ERC2: variants seen among roughly 807,000 people sequenced by gnomAD.
ERC2 encodes the protein ELKS/RAB6-interacting/CAST family member 2.
In ERC2, 42 loss-of-function variants were observed where a neutral mutation model predicts 114.8. The ratio of observed to expected loss-of-function variants is 0.37; its 90% CI spans 0.29 to 0.47. The LOEUF (loss-of-function observed/expected upper bound fraction) is 0.47. Ranked by LOEUF, ERC2 falls within the 20% of genes least tolerant of loss-of-function variation. The pLI, the probability that ERC2 is intolerant of heterozygous loss-of-function variation, is 0.99. For missense variants in ERC2, 939 were observed against 1,150.7 expected (o/e 0.82, Z 2.66); for synonymous variants, 454 against 425.5 (o/e 1.07, Z -0.82).
Position 55,650,400 on chromosome 3 carries a change from G to A in ERC2, c.*39+33394C>T, listed in dbSNP as rs547021839. Among the ~76,000 whole-genome samples, 21 of 152,266 alleles carry A rather than the reference G, an allele frequency of 1.4e-4. 1 individual carries two copies. Among genetic ancestry groups the A allele is most frequent in the Admixed American group, 1.2e-3 (18 of 15,296 alleles). ...CACTTGATGATCACCACCCTGGCCT[G>A]CTTCATGCTGGCTCCTTCTCATCCG... is the stretch of plus-strand genomic sequence containing the variant. On this transcript the variant is annotated intron_variant, in intron 17 of 17. Coordinates refer to ENST00000288221, the MANE Select transcript of ERC2 (RefSeq NM_015576.3).
At chr3:56,069,294 T>A (rs887259956) in intron 7 of ERC2, among the ~76,000 whole-genome samples, 1 of 152,228 alleles carries the variant, frequency 6.6e-6, no homozygotes, top group Non-Finnish European at 1.5e-5. Flanking sequence ...TACTGTTTAC[T>A]TGCCTCTGAA....
At chr3:56,002,226 G>C (rs761149564) in intron 10 of ERC2, among the ~76,000 whole-genome samples, 79 of 152,144 alleles carry the variant, frequency 5.2e-4, no homozygotes, top group Non-Finnish European at 9.6e-4. Flanking sequence ...ATAAAAAGTT[G>C]TGGGTGCAAT....
chr3:55,811,682 G>C (rs973252620), intron 14 of ERC2, among the ~76,000 whole-genome samples: 1 of 152,042 alleles, frequency 6.6e-6, no homozygotes, highest in Non-Finnish European at 1.5e-5. Flanking sequence ...TTATCTTCCA[G>C]AAATCAGCTT....
intron 3 of ERC2, among the ~76,000 whole-genome samples, chr3:56,273,260 TTC>T (rs57483976): frequency 0.33 from 41,128 of 124,790 alleles, 5,788 homozygotes; most frequent in Middle Eastern, 0.43. Flanking sequence ...TTTTTTTTCT[TTC>T]TTTTTTTTTT....
chr3:56,445,701 C>T (rs896146168), intron 1 of ERC2, among the ~76,000 whole-genome samples: 2 of 152,190 alleles, frequency 1.3e-5, no homozygotes, highest in African/African-American at 4.8e-5. Context: ...CCTTCAAAGA[C>T]TCTGACAGGG....
intron 6 of ERC2, among the ~76,000 whole-genome samples, chr3:56,091,742 A>G (rs927240971): frequency 4.6e-5 from 7 of 152,196 alleles, no homozygotes; most frequent in African/African-American, 1.4e-4. Flanking sequence ...GTCTTTTGCT[A>G]TAAGGTCTCT....
chr3:56,435,321 A>G (rs757868754), intron 1 of ERC2, among the ~76,000 whole-genome samples, 174 bp from the exon 2 acceptor site: 48 of 152,244 alleles, frequency 3.2e-4, no homozygotes, highest in Non-Finnish European at 5.9e-4. Context: ...AAGCAACTCT[A>G]GAACTTTACT....
intron 16 of ERC2, among the ~76,000 whole-genome samples, chr3:55,697,247 G>C (rs1173984648): frequency 1.3e-5 from 2 of 152,162 alleles, no homozygotes; most frequent in Non-Finnish European, 2.9e-5. Context: ...CACTTCCCGG[G>C]CTCCAGATTT....
At position 55,957,567 on chromosome 3, in the gene ERC2, G is replaced by T. The variant is rs145007808; in HGVS notation, c.2268-7007C>A. The stretch of plus-strand genomic sequence containing the variant: ...TTGCTTGAGGCCACAAGCAAAGTGG[G>T]TTCGTTCAACCCACTTGACCCAGCA... On this transcript the variant is annotated intron_variant, in intron 12 of 17. Coordinates refer to ENST00000288221, the MANE Select transcript of ERC2 (RefSeq NM_015576.3). 1.4e-3 allele frequency among the ~76,000 whole-genome samples: 220 copies of T among 152,322 alleles called. 1 individual carries two copies. The highest frequency in any genetic ancestry group is 5.0e-3 in the African/African-American group (208 of 41,558).
intron 3 of ERC2, among the ~76,000 whole-genome samples, chr3:56,236,562 C>T (rs1048129700): frequency 7.2e-5 from 11 of 152,190 alleles, no homozygotes; most frequent in Non-Finnish European, 1.5e-4. Context: ...AAACGGTGTG[C>T]TTTGAGAGTT....
At chr3:56,143,999 T>C (rs551929566) in intron 5 of ERC2, among the ~76,000 whole-genome samples, 1 of 152,290 alleles carries the variant, frequency 6.6e-6, no homozygotes, top group East Asian at 1.9e-4. Context: ...AGTCAGACTA[T>C]GTCAGGGAAC....
intron 3 of ERC2, among the ~76,000 whole-genome samples, chr3:56,194,611 T>C (rs976702581): frequency 1.1e-4 from 16 of 152,202 alleles, no homozygotes; most frequent in African/African-American, 3.9e-4. Context: ...TATTGTACAC[T>C]ACTGTAGGCT....
intron 17 of ERC2, among the ~76,000 whole-genome samples, chr3:55,514,255 G>A (rs1405484423): frequency 9.9e-5 from 15 of 152,038 alleles, no homozygotes; most frequent in Non-Finnish European, 1.0e-4. Flanking sequence ...AAAATTAGCT[G>A]GGTGTGGTGG....
intron 17 of ERC2, among the ~76,000 whole-genome samples, chr3:55,523,100 G>T (rs1241064889): frequency 6.6e-6 from 1 of 152,232 alleles, no homozygotes; most frequent in African/African-American, 2.4e-5. Flanking sequence ...ACCTGGGCCA[G>T]AGACCAAGGG....
chr3:55,909,145 A>AGCCCCTTCCATCTCG, intron 13 of ERC2, among the ~76,000 whole-genome samples: 1 of 152,330 alleles, frequency 6.6e-6, no homozygotes, highest in South Asian at 2.1e-4. Context: ...GTCTAATGCC[A>AGCCCCTTCCATCTCG]GCCCCTTCCA....
chr3:55,996,283 C>T (rs777319422), intron 10 of ERC2, among the ~76,000 whole-genome samples: 4 of 152,184 alleles, frequency 2.6e-5, no homozygotes, highest in Non-Finnish European at 4.4e-5. Context: ...CTCTTAAAAA[C>T]ACAAATTGGT....
intron 17 of ERC2, among the ~76,000 whole-genome samples, chr3:55,564,864 T>C (rs913323720): frequency 6.6e-6 from 1 of 152,198 alleles, no homozygotes; most frequent in African/African-American, 2.4e-5. Context: ...GCAAATGTTT[T>C]CCATAAAGGG....
At chr3:56,291,354 G>A (rs975668788) in intron 3 of ERC2, among the ~76,000 whole-genome samples, 8 of 152,160 alleles carry the variant, frequency 5.3e-5, no homozygotes, top group Admixed American at 4.6e-4. Context: ...GAGTTCCTGC[G>A]CAATGGTTTT....
intron 2 of ERC2, among the ~76,000 whole-genome samples, chr3:56,370,536 T>C (rs1241276989): frequency 2.6e-5 from 4 of 152,068 alleles, no homozygotes; most frequent in Non-Finnish European, 4.4e-5. Context: ...TTAAACAATT[T>C]GTGTTCCTGA....
Sources: gnomAD v4.1 joint callset for allele counts (sites outside exome capture counted in the v4.1 genomes callset) on GRCh38, gnomAD v4.1.1 for gene constraint, MANE v1.5 for transcripts, NCBI Gene and HGNC (gene_info 2026-07-23, HGNC 2026-07-21) for gene names.